Variants in AKR7A3 observed in about 807,000 individuals in gnomAD.
AKR7A3 encodes aldo-keto reductase family 7 member A3, also known as AFB1 aldehyde reductase 2.
In AKR7A3, 37 loss-of-function variants were observed where a neutral mutation model predicts 32.5. The observed-to-expected ratio is 1.14, with a 90% CI of 0.88 to 1.50. The LOEUF is 1.50. AKR7A3 is among the 40% of genes most tolerant of loss of function. The probability of loss-of-function intolerance (pLI) is 0.00; values close to 1 mark genes in which losing one functional copy is unlikely to be tolerated. For missense variants in AKR7A3, 412 were observed against 453.2 expected (o/e 0.91, Z 0.83); for synonymous variants, 177 against 188.4 (o/e 0.94, Z 0.50).
In AKR7A3 at chr1:19,284,732, C is replaced by T. The variant is rs759910782; in HGVS notation, c.658G>A (p.Val220Met). ...KYEDKNGKQPVGRFFGNTWAE... is the reference protein window; with the variant it reads ...KYEDKNGKQPMGRFFGNTWAE... ...CAGGTATTCCCAAAGAAGCGGCCCACGGGCTGTTTCCCATTCTTGTCCTCA... is the reference window on the plus strand; with the variant it reads ...CAGGTATTCCCAAAGAAGCGGCCCATGGGCTGTTTCCCATTCTTGTCCTCA... Residue 220 changes from valine to methionine, a missense_variant, in exon 5 of 7, where the codon GTG becomes ATG. Val to Met is a conservative substitution (Grantham distance 21). Transcript: ENST00000361640. The T allele has an allele frequency of 2.7e-5, 44 of 1,613,740 alleles. No homozygotes were observed. The highest frequency in any genetic ancestry group is 2.3e-4 in the African/African-American group (17 of 74,628).
downstream of AKR7A3, among the ~76,000 whole-genome samples, chr1:19,281,870 C>T (rs1012684997): frequency 4.6e-5 from 7 of 151,928 alleles, no homozygotes; most frequent in African/African-American, 1.5e-4. Context: ...CTTGCGTGGG[C>T]CTGTTGCCCC....
chr1:19,286,602 A>T (rs1425432008), intron 1 of AKR7A3, among the ~76,000 whole-genome samples: 1 of 151,580 alleles, frequency 6.6e-6, no homozygotes, highest in Non-Finnish European at 1.5e-5. Flanking sequence ...AATTGCTTGA[A>T]CCCGGGAGGC....
At chr1:19,280,860 G>A (rs1182294306), downstream of AKR7A3, among the ~76,000 whole-genome samples, 13 of 151,662 alleles carry the variant, frequency 8.6e-5, no homozygotes, top group African/African-American at 3.2e-4. Context: ...ATGAGCCACC[G>A]CGCCCGGCCT....
chr1:19,283,084 G>A lies in AKR7A3; in HGVS notation c.835-192C>T, dbSNP rs560934364. Among the ~76,000 whole-genome samples, 137 of 147,794 alleles carry A rather than the reference G, an allele frequency of 9.3e-4. 5 individuals carry two copies. Among genetic ancestry groups the A allele is most frequent in the African/African-American group, 3.1e-3 (121 of 39,446 alleles). On this transcript the variant is annotated intron_variant, in intron 6 of 6. Transcript: ENST00000361640. ...ATCCCTTCCCCTACTGCCACACGACGCTTCCAGACAGACCTACATTCACAG... is the reference window on the plus strand; with the variant it reads ...ATCCCTTCCCCTACTGCCACACGACACTTCCAGACAGACCTACATTCACAG...
rs1163400018 is a variant in AKR7A3, at chr1:19,285,980, C to G, written c.415G>C (p.Glu139Gln). 1 of 1,613,614 alleles carries G rather than the reference C, an allele frequency of 6.2e-7. No individual in the cohort carries two copies. The highest frequency in any genetic ancestry group is 8.5e-7 in the Non-Finnish European group (1 of 1,179,974). Reference protein sequence around the residue: ...HQLHQEGKFVELGLSNYAAWE... With the variant: ...HQLHQEGKFVQLGLSNYAAWE... Reference sequence around the variant, plus strand: ...GCTGCATAGTTGGAGAGGCCAAGCTCCACGAACTTGCCCTGCTCAGGTGAG... The same window carrying G: ...GCTGCATAGTTGGAGAGGCCAAGCTGCACGAACTTGCCCTGCTCAGGTGAG... Residue 139 changes from glutamate (E) to glutamine (Q), a missense_variant, in exon 3 of 7, where the codon GAG becomes CAG. Coordinates refer to ENST00000361640, the MANE Select transcript of AKR7A3 (RefSeq NM_012067.3).
intron 6 of AKR7A3, among the ~76,000 whole-genome samples, 161 bp downstream of exon 6, chr1:19,283,833 CAA>C (rs145556063): frequency 7.0e-6 from 1 of 142,818 alleles, no homozygotes. Context: ...TCTGTCCCCC[CAA>C]AAAAAAAACA....
chr1:19,278,415 G>T (rs1334338423), downstream of AKR7A3, among the ~76,000 whole-genome samples: 1 of 151,672 alleles, frequency 6.6e-6, no homozygotes, highest in African/African-American at 2.4e-5. Context: ...TAAAAAATTA[G>T]CCAGATGTGG....
In AKR7A3 at chr1:19,282,682, A is replaced by C; in HGVS notation, c.*49T>G. The C allele has an allele frequency of 6.2e-7, 1 of 1,613,614 alleles. No homozygotes were observed. The highest frequency in any genetic ancestry group is 8.5e-7 in the Non-Finnish European group (1 of 1,179,916). ...GTTCTAAATTAAAGAAAATGTGAGT[A>C]ACAAAAGATGTTACAGAAGAGCCTT... On this transcript the variant is annotated 3_prime_UTR_variant, in exon 7 of 7. Transcript: ENST00000361640.
At position 19,287,306 on chromosome 1, in the gene AKR7A3, CA is replaced by C. The variant is rs35986667; in HGVS notation, c.215-935del. ...TGGGCAAAAAAGCAAGACCCTGTCT[CA>C]AAAAAAAAAAAAAAATCAGAAATAT... On this transcript the variant is annotated intron_variant, in intron 1 of 6. Coordinates refer to ENST00000361640, the MANE Select transcript of AKR7A3 (RefSeq NM_012067.3). Among the ~76,000 whole-genome samples, 515 of 132,550 alleles carry C rather than the reference CA, an allele frequency of 3.9e-3. 2 individuals carry two copies. Among genetic ancestry groups the C allele is most frequent in the East Asian group, 0.012 (52 of 4,456 alleles). The allele number at this position is 132,550 out of a possible 152,430, so 87.0% of individuals were successfully genotyped here.
downstream of AKR7A3, among the ~76,000 whole-genome samples, chr1:19,278,404 A>G (rs1444339808): frequency 7.9e-5 from 12 of 151,710 alleles, no homozygotes; most frequent in Admixed American, 7.9e-4. Flanking sequence ...TAAAAAATAC[A>G]TAAAAAATTA....
At chr1:19,284,184 A>G in intron 5 of AKR7A3, 59 bp from the exon 6 acceptor site, 2 of 1,562,574 alleles carry the variant, frequency 1.3e-6, no homozygotes, top group Non-Finnish European at 1.7e-6. Flanking sequence ...ACAACCAAAG[A>G]GCCAACCAGG....
chr1:19,274,912 A>AAAAAAAAAAAAAAAAAAAAC, the AKR7A3 span, among the ~76,000 whole-genome samples: 1 of 148,620 alleles, frequency 6.7e-6, no homozygotes, highest in African/African-American at 2.5e-5. Context: ...AAAAAAAAAA[A>AAAAAAAAAAAAAAAAAAAAC]AAAGACCAAT....
At chr1:19,282,269 T>C (rs2093719907), downstream of AKR7A3, among the ~76,000 whole-genome samples, 1 of 151,688 alleles carries the variant, frequency 6.6e-6, no homozygotes, top group African/African-American at 2.4e-5. Flanking sequence ...CTTGGTGCCA[T>C]CTGTATAGTA....
At position 19,286,390 on chromosome 1, in the gene AKR7A3, T is replaced by C. The variant is rs2093730076; in HGVS notation, c.215-18A>G. 2 of 1,611,662 alleles carry C rather than the reference T, an allele frequency of 1.2e-6. No individual in the cohort carries two copies. Among genetic ancestry groups the C allele is most frequent in the Non-Finnish European group, 8.5e-7 (1 of 1,178,610 alleles). ...AATTTTCACTGAGAGGAAAGAGAAA[T>C]GAAATTCAGGGCCAGGCGCCGTGGC... On this transcript the variant is annotated intron_variant, in intron 1 of 6. Coordinates refer to ENST00000361640, the MANE Select transcript of AKR7A3 (RefSeq NM_012067.3).
At chr1:19,287,329 A>G (rs2093732512) in intron 1 of AKR7A3, among the ~76,000 whole-genome samples, 1 of 151,630 alleles carries the variant, frequency 6.6e-6, no homozygotes, top group Non-Finnish European at 1.5e-5. Flanking sequence ...AAAATCAGAA[A>G]TATGGTTAGA....
At chr1:19,288,173 T>A (rs1393607352) in intron 1 of AKR7A3, among the ~76,000 whole-genome samples, 1 of 152,088 alleles carries the variant, frequency 6.6e-6, no homozygotes, top group African/African-American at 2.4e-5. Context: ...CAATGCCAGA[T>A]CCCAGTGTTT....
the AKR7A3 span, chr1:19,274,247 G>A: frequency 3.1e-6 from 4 of 1,304,216 alleles, no homozygotes; most frequent in East Asian, 6.0e-5. Context: ...GCTGGACTCC[G>A]CTCTCAACCA....
chr1:19,285,754 T>C, intron 3 of AKR7A3, 134 bp downstream of exon 3: 2 of 1,080,956 alleles, frequency 1.9e-6, no homozygotes, highest in Non-Finnish European at 1.4e-6. Context: ...TGAGGGTACC[T>C]GGGAGCCATC....
chr1:19,286,918 A>G (rs12405546), intron 1 of AKR7A3, among the ~76,000 whole-genome samples: 29,378 of 151,584 alleles, frequency 0.19, 3,181 homozygotes, highest in East Asian at 0.35. Context: ...TTAACTTCAG[A>G]TCAGATCTGA....
Sources: gnomAD v4.1 joint callset for allele counts (sites outside exome capture counted in the v4.1 genomes callset) on GRCh38, gnomAD v4.1.1 for gene constraint, MANE v1.5 for transcripts, NCBI Gene and HGNC (gene_info 2026-07-23, HGNC 2026-07-21) for gene names.